Variants in LRRC7 observed in about 807,000 individuals in gnomAD.
LRRC7 encodes the protein leucine rich repeat containing 7, also known as leucine-rich repeat-containing protein 7.
LRRC7 carries 23 observed loss-of-function variants against 175.7 expected under a neutral mutation model. The ratio of observed to expected loss-of-function variants is 0.13; its 90% CI spans 0.09 to 0.19. LRRC7 has a LOEUF of 0.19. Among genes scored for constraint, LRRC7 ranks in the 10% least tolerant of loss-of-function variants. The probability of loss-of-function intolerance (pLI) is 1.00; values close to 1 mark genes in which losing one functional copy is unlikely to be tolerated. For missense variants in LRRC7, 1,354 were observed against 1,904.7 expected (o/e 0.71, Z 5.38); for synonymous variants, 685 against 680.9 (o/e 1.01, Z -0.09).
At chr1:69,582,409 A>T (rs12730886) in intron 1 of LRRC7, among the ~76,000 whole-genome samples, 16,072 of 152,166 alleles carry the variant, frequency 0.11, 952 homozygotes, top group African/African-American at 0.14. Flanking sequence ...ATCCAAGCTG[A>T]GGGAGCAGCC....
intron 8 of LRRC7, among the ~76,000 whole-genome samples, chr1:69,949,927 C>G (rs984076722): frequency 1.3e-5 from 2 of 151,968 alleles, no homozygotes; most frequent in East Asian, 1.9e-4. Context: ...TTTTTTTAAT[C>G]GAATTGAATC....
At chr1:70,039,878 T>C in intron 21 of LRRC7, 85 bp downstream of exon 21, 3 of 1,426,718 alleles carry the variant, frequency 2.1e-6, no homozygotes, top group Non-Finnish European at 2.8e-6. Flanking sequence ...TAGTGAAGCA[T>C]GAACTACATG....
At chr1:69,572,970 T>C (rs1645798537) in intron 1 of LRRC7, among the ~76,000 whole-genome samples, 1 of 152,112 alleles carries the variant, frequency 6.6e-6, no homozygotes, top group Non-Finnish European at 1.5e-5. Context: ...ATCAAATATG[T>C]CTATTTCCTA....
intron 7 of LRRC7, among the ~76,000 whole-genome samples, chr1:69,842,506 A>C (rs1681838946): frequency 2.0e-5 from 3 of 152,180 alleles, no homozygotes; most frequent in Admixed American, 2.0e-4. Context: ...ACAAGGCATG[A>C]AACATGATAC....
At chr1:69,670,579 T>C (rs909653094) in intron 1 of LRRC7, among the ~76,000 whole-genome samples, 1 of 152,192 alleles carries the variant, frequency 6.6e-6, no homozygotes, top group Non-Finnish European at 1.5e-5. Context: ...GTCAGGCTTG[T>C]GTCTCTCCCT....
chr1:69,962,764 G>A lies in LRRC7; in HGVS notation c.712-17615G>A, dbSNP rs1038821548. Among the ~76,000 whole-genome samples the A allele has an allele frequency of 2.3e-4, 35 of 152,166 alleles. No homozygotes were observed. The Middle Eastern group carries it at 0.017, about 74-fold the overall frequency. On this transcript the variant is annotated intron_variant, in intron 8 of 26. Transcript: ENST00000651989. ...ACCACATATTCTCACTTATAAGTGGGAGCTAAAAATGAGAACACATGGACA... is the reference window on the plus strand; with the variant it reads ...ACCACATATTCTCACTTATAAGTGGAAGCTAAAAATGAGAACACATGGACA...
chr1:70,110,606 C>G (rs1321072690), intron 26 of LRRC7, among the ~76,000 whole-genome samples: 1 of 152,116 alleles, frequency 6.6e-6, no homozygotes, highest in Non-Finnish European at 1.5e-5. Context: ...AGAAAAGCTG[C>G]ACCCAAGATG....
intron 25 of LRRC7, among the ~76,000 whole-genome samples, chr1:70,096,310 TATAA>T (rs1664393519): frequency 6.6e-6 from 1 of 152,226 alleles, no homozygotes; most frequent in African/African-American, 2.4e-5. Context: ...AGCTTTACAA[TATAA>T]ATAGTATAGT....
chr1:69,908,826 G>T (rs1425558441), intron 7 of LRRC7, among the ~76,000 whole-genome samples: 1 of 146,740 alleles, frequency 6.8e-6, no homozygotes, highest in East Asian at 2.0e-4. Flanking sequence ...GGGTATCCTT[G>T]TTAACTTTCT....
chr1:70,114,101 T>C (rs1665695626), intron 26 of LRRC7, among the ~76,000 whole-genome samples: 1 of 152,004 alleles, frequency 6.6e-6, no homozygotes, highest in African/African-American at 2.4e-5. Flanking sequence ...TTGTTTATGG[T>C]TAAAATGAAG....
chr1:69,712,030 A>C (rs751870683), intron 2 of LRRC7, among the ~76,000 whole-genome samples: 1 of 152,332 alleles, frequency 6.6e-6, no homozygotes, highest in Admixed American at 6.5e-5. Context: ...TATTTCAAAA[A>C]TTTTGACTAA....
In LRRC7 at chr1:70,143,589, C is replaced by CCTT. The variant is rs774854347; in HGVS notation, c.*21703_*21705dup. 5.3e-5 allele frequency: 8 copies of CCTT among 151,970 alleles called. No homozygotes were observed. Among genetic ancestry groups the CCTT allele is most frequent in the Non-Finnish European group, 7.4e-5 (5 of 67,974 alleles). 9.4% of individuals were successfully genotyped at this position (151,970 alleles called of 1,614,324 possible). ...GAGGCTTAATCTTTATAAATTGGGG[C>CCTT]CTTTTCTGTCTCTTTGCTAGCCTAG... is the stretch of plus-strand genomic sequence containing the variant. On this transcript the variant is annotated 3_prime_UTR_variant, in exon 27 of 27. Transcript: ENST00000651989.
chr1:69,668,399 G>A lies in LRRC7; in HGVS notation c.3-9982G>A, dbSNP rs187278502. Among the ~76,000 whole-genome samples, 75 of 152,056 alleles carry A rather than the reference G, an allele frequency of 4.9e-4. 1 individual carries two copies. In the East Asian group the frequency reaches 0.013, roughly 26 times the overall value. ...TTATAAGTGAGAACATGTGGTGTTT[G>A]GTTTTCTGTTCCTGTGTTAGTTTGC... On this transcript the variant is annotated intron_variant, in intron 1 of 26. Coordinates refer to ENST00000651989, the MANE Select transcript of LRRC7 (RefSeq NM_001370785.2).
At chr1:69,843,885 C>T (rs566742642) in intron 7 of LRRC7, among the ~76,000 whole-genome samples, 6 of 152,054 alleles carry the variant, frequency 3.9e-5, no homozygotes, top group South Asian at 2.1e-4. Context: ...CATTCTGAAC[C>T]GGTTCTTTTG....
At chr1:69,584,168 C>T (rs1303828851) in intron 1 of LRRC7, among the ~76,000 whole-genome samples, 2 of 151,896 alleles carry the variant, frequency 1.3e-5, no homozygotes, top group Non-Finnish European at 2.9e-5. Flanking sequence ...GGCTGATCAG[C>T]AAAAAATAGT....
At chr1:69,659,570 CT>C (rs1354552184) in intron 1 of LRRC7, among the ~76,000 whole-genome samples, 9 of 150,566 alleles carry the variant, frequency 6.0e-5, no homozygotes, top group African/African-American at 2.4e-5. Context: ...TAACTGATAT[CT>C]CAACAGCTGC....
At chr1:69,703,893 A>C (rs1663694669) in intron 2 of LRRC7, among the ~76,000 whole-genome samples, 1 of 151,982 alleles carries the variant, frequency 6.6e-6, no homozygotes, top group Admixed American at 6.6e-5. Context: ...TTTTATCTAA[A>C]GCGTTTACCA....
At chr1:69,643,100 CTG>C (rs1303824362) in intron 1 of LRRC7, among the ~76,000 whole-genome samples, 1 of 151,990 alleles carries the variant, frequency 6.6e-6, no homozygotes, top group African/African-American at 2.4e-5. Context: ...GCAGGGGCTC[CTG>C]TGTCCAAGGG....
intron 8 of LRRC7, among the ~76,000 whole-genome samples, chr1:69,961,859 TA>T (rs1489023884): frequency 1.3e-5 from 2 of 152,108 alleles, no homozygotes; most frequent in African/African-American, 4.8e-5. Context: ...GACTTAAATG[TA>T]AAACCCAAAA....
Sources: gnomAD v4.1 joint callset for allele counts (sites outside exome capture counted in the v4.1 genomes callset) on GRCh38, gnomAD v4.1.1 for gene constraint, MANE v1.5 for transcripts, NCBI Gene and HGNC (gene_info 2026-07-23, HGNC 2026-07-21) for gene names.